The following MGAT4C variants were observed in gnomAD, a reference collection of about 807,000 sequenced individuals.
MGAT4C encodes alpha-1,3-mannosyl-glycoprotein 4-beta-N-acetylglucosaminyltransferase C.
A neutral mutation model predicts 40.1 loss-of-function variants in MGAT4C; 19 were observed. The ratio of observed to expected loss-of-function variants is 0.47; its 90% CI spans 0.33 to 0.70. The LOEUF is 0.70. MGAT4C is among the 30% of genes least tolerant of loss of function. The pLI is 0.02. For missense variants in MGAT4C, 491 were observed against 563.2 expected (o/e 0.87, Z 1.30); for synonymous variants, 181 against 187.1 (o/e 0.97, Z 0.27).
chr12:86,834,171 GATAGATATAGAT>G (rs63091261), intron 1 of MGAT4C, among the ~76,000 whole-genome samples: 54,354 of 147,116 alleles, frequency 0.37, 10,708 homozygotes, highest in Admixed American at 0.5. Context: ...GATAGAGATA[GATAGATATAGAT>G]ATAGATATAG....
At chr12:86,569,736 C>A (rs1269325058) in intron 2 of MGAT4C, among the ~76,000 whole-genome samples, 2 of 151,996 alleles carry the variant, frequency 1.3e-5, no homozygotes, top group African/African-American at 4.8e-5. Flanking sequence ...ATATGTGAAG[C>A]TCTATTTTTA....
intron 2 of MGAT4C, among the ~76,000 whole-genome samples, chr12:86,565,036 C>T (rs1960030444): frequency 6.6e-6 from 1 of 152,176 alleles, no homozygotes; most frequent in African/African-American, 2.4e-5. Flanking sequence ...CAGATAACTA[C>T]TCTCTTCTTG....
At chr12:86,704,718 A>G (rs1178557333) in intron 2 of MGAT4C, among the ~76,000 whole-genome samples, 1 of 152,134 alleles carries the variant, frequency 6.6e-6, no homozygotes, top group Non-Finnish European at 1.5e-5. Context: ...ATGTAGTAAA[A>G]TTAATTTTCT....
In MGAT4C at chr12:86,824,491, A is replaced by T. The variant is rs539384530; in HGVS notation, c.-262+14175T>A. Among the ~76,000 whole-genome samples the T allele has an allele frequency of 2.8e-4, 42 of 151,506 alleles. No individual in the cohort carries two copies. In the South Asian group the frequency reaches 8.5e-3, roughly 31 times the overall value. ...ACATGATAGTTAAGATGGAAAAGGC[A>T]TGTATATAGGGCTTAGTGCTATCTG... On this transcript the variant is annotated intron_variant, in intron 1 of 7. Coordinates refer to the MGAT4C transcript ENST00000548651.
chr12:86,589,704 C>G (rs1171152378), intron 2 of MGAT4C, among the ~76,000 whole-genome samples: 1 of 151,988 alleles, frequency 6.6e-6, no homozygotes, highest in Non-Finnish European at 1.5e-5. Context: ...AGCTTATCCA[C>G]CATGATCAAG....
At chr12:86,486,153 C>A (rs1241734941) in intron 2 of MGAT4C, among the ~76,000 whole-genome samples, 2 of 152,044 alleles carry the variant, frequency 1.3e-5, no homozygotes, top group Non-Finnish European at 2.9e-5. Context: ...ATTATGTAAT[C>A]AAGTCTACAA....
intron 4 of MGAT4C, among the ~76,000 whole-genome samples, chr12:86,292,981 G>C (rs1006743040): frequency 2.0e-5 from 3 of 151,978 alleles, no homozygotes; most frequent in African/African-American, 7.2e-5. Context: ...GAAAAAATGA[G>C]AAAATTAGTT....
intron 2 of MGAT4C, among the ~76,000 whole-genome samples, chr12:86,611,241 T>G (rs191301329): frequency 6.6e-6 from 1 of 152,174 alleles, no homozygotes; most frequent in Admixed American, 6.5e-5. Flanking sequence ...CATTTTGAAA[T>G]AATTGTTATT....
At chr12:86,279,501 G>A (rs1312678280) in intron 4 of MGAT4C, among the ~76,000 whole-genome samples, 1 of 151,958 alleles carries the variant, frequency 6.6e-6, no homozygotes, top group Non-Finnish European at 1.5e-5. Context: ...TCAGTTGTAA[G>A]TCTCCTTTTC....
chr12:86,636,612 G>A (rs1963226140), intron 2 of MGAT4C, among the ~76,000 whole-genome samples: 1 of 151,852 alleles, frequency 6.6e-6, no homozygotes, highest in Admixed American at 6.6e-5. Flanking sequence ...AATATCCAAG[G>A]GGTTAACTGG....
chr12:86,705,376 C>T (rs2136622364), intron 2 of MGAT4C, among the ~76,000 whole-genome samples: 1 of 152,044 alleles, frequency 6.6e-6, no homozygotes, highest in South Asian at 2.1e-4. Flanking sequence ...TAATTGAGTG[C>T]TAAACTTCAT....
At chr12:86,154,288 A>G (rs1884648648) in intron 1 of MGAT4C, among the ~76,000 whole-genome samples, 1 of 152,178 alleles carries the variant, frequency 6.6e-6, no homozygotes. Flanking sequence ...GGAATTGGCC[A>G]GAACAGCCCG....
chr12:86,081,440 A>C (rs887969519), intron 1 of MGAT4C, among the ~76,000 whole-genome samples: 5 of 152,190 alleles, frequency 3.3e-5, no homozygotes, highest in African/African-American at 1.2e-4. Context: ...GTTTATTATA[A>C]TATTACATTT....
chr12:86,575,584 G>A (rs559148710), intron 2 of MGAT4C, among the ~76,000 whole-genome samples: 23 of 151,822 alleles, frequency 1.5e-4, no homozygotes, highest in Middle Eastern at 3.4e-3. Context: ...TATATGTATC[G>A]TATTTTTCTG....
At position 86,354,939 on chromosome 12, in the gene MGAT4C, G is replaced by A. The variant is rs369960794; in HGVS notation, c.-119-20812C>T. 9.8e-5 allele frequency among the ~76,000 whole-genome samples: 15 copies of A among 152,300 alleles called. 1 individual carries two copies. In the East Asian group the frequency reaches 2.1e-3, roughly 22 times the overall value. On this transcript the variant is annotated intron_variant, in intron 3 of 7. Transcript: ENST00000548651. The stretch of plus-strand genomic sequence containing the variant: ...AGAACAAAGTTTCCACAGCATGGAC[G>A]AGAACCCAAGGGGGGTGCCACTGCT...
intron 1 of MGAT4C, among the ~76,000 whole-genome samples, chr12:86,798,792 AGTGT>A (rs1952174831): frequency 6.6e-6 from 1 of 152,052 alleles, no homozygotes; most frequent in South Asian, 2.1e-4. Context: ...GCCATGAAAA[AGTGT>A]GTGTAAGGTC....
At chr12:86,041,911 C>T (rs542393047) in intron 2 of MGAT4C, among the ~76,000 whole-genome samples, 53 of 152,214 alleles carry the variant, frequency 3.5e-4, no homozygotes, top group Non-Finnish European at 5.7e-4. Context: ...CTCTGTGGGG[C>T]GTTGAACCCT....
intron 3 of MGAT4C, among the ~76,000 whole-genome samples, chr12:86,343,365 A>G (rs1437098766): frequency 6.6e-6 from 1 of 152,230 alleles, no homozygotes; most frequent in African/African-American, 2.4e-5. Flanking sequence ...ATCTGTTAGT[A>G]AGATAGATAG....
chr12:86,302,658 A>G (rs777733029), intron 4 of MGAT4C, among the ~76,000 whole-genome samples: 6 of 150,418 alleles, frequency 4.0e-5, no homozygotes, highest in Non-Finnish European at 5.9e-5. Flanking sequence ...CGAATTCCTG[A>G]TCTCATGTGA....
Sources: gnomAD v4.1 joint callset for allele counts (sites outside exome capture counted in the v4.1 genomes callset) on GRCh38, gnomAD v4.1.1 for gene constraint, MANE v1.5 for transcripts, NCBI Gene and HGNC (gene_info 2026-07-23, HGNC 2026-07-21) for gene names.